RBFOX1: variants seen among roughly 807,000 people sequenced by gnomAD.
RBFOX1 encodes RNA binding protein fox-1 homolog 1.
RBFOX1 carries 8 observed loss-of-function variants against 57.7 expected under a neutral mutation model. The ratio of observed to expected loss-of-function variants is 0.14; its 90% CI spans 0.08 to 0.25. The LOEUF is 0.25. Among genes scored for constraint, RBFOX1 ranks in the 10% least tolerant of loss-of-function variants. The probability of loss-of-function intolerance (pLI) is 1.00; values close to 1 mark genes in which losing one functional copy is unlikely to be tolerated. For synonymous variants in RBFOX1, 326 were observed against 222.4 expected (o/e 1.47, Z -4.15); for missense variants, 611 against 548.5 (o/e 1.11, Z -1.14).
At chr16:6,060,784 C>T (rs1469130257) in intron 1 of RBFOX1, among the ~76,000 whole-genome samples, 1 of 152,170 alleles carries the variant, frequency 6.6e-6, no homozygotes, top group East Asian at 1.9e-4. Context: ...ACACAGTTAC[C>T]CCAGAAGAAC....
chr16:7,684,736 G>T (rs904303899), intron 14 of RBFOX1, among the ~76,000 whole-genome samples: 1 of 151,962 alleles, frequency 6.6e-6, no homozygotes, highest in African/African-American at 2.4e-5. Flanking sequence ...TGAAGAACTT[G>T]TTTTTTCCAC....
rs553585226 is a variant in RBFOX1 at position 6,007,209 on chromosome 16, G to A, written c.351+139874G>A. ...GAATGAATTGATTCACTTCCCATAAGTGGAATAGGACAGAAATGATGAGAT... is the reference window on the plus strand; with the variant it reads ...GAATGAATTGATTCACTTCCCATAAATGGAATAGGACAGAAATGATGAGAT... On this transcript the variant is annotated intron_variant, in intron 4 of 19. Coordinates refer to the RBFOX1 transcript ENST00000641259. Among the ~76,000 whole-genome samples, 8 of 152,294 alleles carry A rather than the reference G, an allele frequency of 5.3e-5. No homozygotes were observed. In the South Asian group the frequency reaches 1.2e-3, roughly 24 times the overall value.
rs528005043 is a variant in RBFOX1, at chr16:6,596,820, T to C, written c.-63-57783T>C. On this transcript the variant is annotated intron_variant, in intron 2 of 15. Coordinates refer to ENST00000550418, the MANE Select transcript of RBFOX1 (RefSeq NM_018723.4). ...CAAATGTACCCTGGTGGATAAGGCA[T>C]TTACAATTGAGAACAGCTGATAGTT... 9.2e-5 allele frequency among the ~76,000 whole-genome samples: 14 copies of C among 152,292 alleles called. No homozygotes were observed. In the East Asian group the frequency reaches 2.5e-3, roughly 27 times the overall value.
intron 4 of RBFOX1, among the ~76,000 whole-genome samples, chr16:7,085,356 T>G (rs1045844669): frequency 1.3e-5 from 2 of 151,600 alleles, no homozygotes; most frequent in African/African-American, 4.9e-5. Context: ...CAGCCAGTAC[T>G]TCAAAAAAAA....
At chr16:6,767,704 A>G (rs924462677) in intron 3 of RBFOX1, among the ~76,000 whole-genome samples, 23 of 152,020 alleles carry the variant, frequency 1.5e-4, no homozygotes, top group African/African-American at 4.3e-4. Flanking sequence ...TCACGAGATC[A>G]GGAGTTCGAG....
At chr16:6,855,902 C>CCCTTCTTTCCTT (rs920758881) in intron 3 of RBFOX1, among the ~76,000 whole-genome samples, 1 of 151,020 alleles carries the variant, frequency 6.6e-6, no homozygotes, top group African/African-American at 2.4e-5. Context: ...CTCCTTACCT[C>CCCTTCTTTCCTT]CCTTCTTTCC....
At chr16:6,749,714 G>A (rs1020706668) in intron 3 of RBFOX1, among the ~76,000 whole-genome samples, 1 of 152,166 alleles carries the variant, frequency 6.6e-6, no homozygotes, top group Admixed American at 6.5e-5. Flanking sequence ...AAGAATTGCA[G>A]TGCACAGATT....
intron 3 of RBFOX1, among the ~76,000 whole-genome samples, chr16:6,871,096 T>C (rs2060786383): frequency 6.6e-6 from 1 of 152,238 alleles, no homozygotes; most frequent in Non-Finnish European, 1.5e-5. Flanking sequence ...TTATCTTTCT[T>C]CTTACATTCT....
intron 3 of RBFOX1, among the ~76,000 whole-genome samples, chr16:6,861,078 A>G (rs888084348): frequency 3.9e-5 from 6 of 152,136 alleles, no homozygotes; most frequent in Non-Finnish European, 8.8e-5. Flanking sequence ...CAAGGATTCC[A>G]TTATATTTGT....
At chr16:7,699,006 T>A (rs1437704183) in intron 14 of RBFOX1, among the ~76,000 whole-genome samples, 1 of 152,204 alleles carries the variant, frequency 6.6e-6, no homozygotes, top group Non-Finnish European at 1.5e-5. Flanking sequence ...TCTAGAAGAA[T>A]GCACCAAAGT....
intron 3 of RBFOX1, among the ~76,000 whole-genome samples, chr16:5,784,975 C>A (rs1179526139): frequency 6.6e-6 from 1 of 152,186 alleles, no homozygotes; most frequent in Non-Finnish European, 1.5e-5. Context: ...CCCAAACAGA[C>A]TAAGACAGGG....
intron 3 of RBFOX1, among the ~76,000 whole-genome samples, chr16:6,968,159 G>T (rs1035179868): frequency 1.1e-4 from 17 of 152,114 alleles, no homozygotes; most frequent in African/African-American, 4.1e-4. Context: ...CCTCAGGGTG[G>T]GAACCCCCTC....
chr16:6,983,119 C>T (rs1040747687), intron 3 of RBFOX1, among the ~76,000 whole-genome samples: 1 of 151,410 alleles, frequency 6.6e-6, no homozygotes, highest in Non-Finnish European at 1.5e-5. Flanking sequence ...TTTCCAGATA[C>T]CAAAACTCTT....
intron 3 of RBFOX1, among the ~76,000 whole-genome samples, chr16:5,713,904 T>C (rs899962885): frequency 1.3e-5 from 2 of 152,208 alleles, no homozygotes; most frequent in Non-Finnish European, 2.9e-5. Context: ...ATCATCTACG[T>C]TGCAATCTTC....
chr16:7,073,854 C>G (rs938007043), intron 4 of RBFOX1, among the ~76,000 whole-genome samples: 2 of 151,524 alleles, frequency 1.3e-5, no homozygotes, highest in Non-Finnish European at 2.9e-5. Context: ...AAGGCATTGT[C>G]TCATAAAAAT....
At position 6,966,817 on chromosome 16, in the gene RBFOX1, G is replaced by A. The variant is rs61275662; in HGVS notation, c.-15-85240G>A. On this transcript the variant is annotated intron_variant, in intron 3 of 15. Transcript: ENST00000550418. ...TGTCTGTCTGTCTGTCTGTCTGTCT[G>A]TCTATCTATCTGTCTATCTATCTAT... Among the ~76,000 whole-genome samples, 169 of 150,522 alleles carry A rather than the reference G, an allele frequency of 1.1e-3. 3 individuals carry two copies. The South Asian group carries it at 0.02, about 18-fold the overall frequency.
At chr16:6,180,250 C>G (rs2097052164) in intron 1 of RBFOX1, among the ~76,000 whole-genome samples, 2 of 151,756 alleles carry the variant, frequency 1.3e-5, no homozygotes, top group African/African-American at 4.9e-5. Context: ...GCACTGGGGT[C>G]TGGGTTTTTC....
intron 4 of RBFOX1, among the ~76,000 whole-genome samples, chr16:7,513,240 G>A (rs1261671476): frequency 2.7e-5 from 4 of 149,568 alleles, no homozygotes; most frequent in Non-Finnish European, 4.4e-5. Context: ...TCCAGCTTGG[G>A]TAACAGGAGC....
intron 3 of RBFOX1, among the ~76,000 whole-genome samples, chr16:6,686,283 GTCTT>G (rs2154127869): frequency 6.6e-6 from 1 of 152,274 alleles, no homozygotes; most frequent in East Asian, 1.9e-4. Context: ...AATCGAAGGC[GTCTT>G]TCTTCATGGG....
Sources: allele counts gnomAD v4.1 joint callset (sites outside exome capture counted in the v4.1 genomes callset), GRCh38; gene constraint gnomAD v4.1.1; transcripts MANE v1.5; gene names NCBI Gene and HGNC (gene_info 2026-07-23, HGNC 2026-07-21).